The following NAALAD2 variants were observed in gnomAD, a reference collection of about 807,000 sequenced individuals.
The protein encoded by NAALAD2 is N-acetylated-alpha-linked acidic dipeptidase 2.
Under a neutral mutation model 95.6 loss-of-function variants are expected in NAALAD2, and 89 were observed. That is an observed-to-expected ratio of 0.93 (90% confidence interval 0.78 to 1.11). The LOEUF is 1.11. Ranked by LOEUF, NAALAD2 falls within the 50% of genes least tolerant of loss-of-function variation. NAALAD2 has a pLI of 0.00. For synonymous variants in NAALAD2, 264 were observed against 294.4 expected (o/e 0.90, Z 1.06); for missense variants, 894 against 872.4 (o/e 1.02, Z -0.31).
intron 11 of NAALAD2, among the ~76,000 whole-genome samples, chr11:90,166,691 C>T (rs1426208788): frequency 6.6e-6 from 1 of 151,824 alleles, no homozygotes; most frequent in Non-Finnish European, 1.5e-5. Flanking sequence ...AAAAATAAGC[C>T]AGGCGCAGTG....
intron 13 of NAALAD2, among the ~76,000 whole-genome samples, chr11:90,172,807 G>A (rs566730374): frequency 6.6e-6 from 1 of 152,204 alleles, no homozygotes; most frequent in South Asian, 2.1e-4. Flanking sequence ...TGGCACAGAA[G>A]TTAGAATAAC....
At chr11:90,143,435 T>C (rs1330143564) in intron 2 of NAALAD2, among the ~76,000 whole-genome samples, 1 of 152,148 alleles carries the variant, frequency 6.6e-6, no homozygotes, top group African/African-American at 2.4e-5. Flanking sequence ...TGCTATGTCA[T>C]CTGATGAGAA....
chr11:90,150,452 A>C, intron 4 of NAALAD2, 30 bp from the exon 5 acceptor site: 4 of 1,355,994 alleles, frequency 2.9e-6, no homozygotes, highest in Non-Finnish European at 4.0e-6. Flanking sequence ...TAATTTTAGC[A>C]GTATTATATA....
intron 2 of NAALAD2, among the ~76,000 whole-genome samples, chr11:90,140,585 A>G (rs1451840139): frequency 1.3e-5 from 2 of 151,986 alleles, no homozygotes; most frequent in East Asian, 1.9e-4. Flanking sequence ...GTTCAAACCT[A>G]TGTTTCAAGG....
chr11:90,163,931 T>A (rs1005804249), intron 11 of NAALAD2: 5 of 453,100 alleles, frequency 1.1e-5, no homozygotes, highest in Admixed American at 3.9e-5. Context: ...TTTTTGATGA[T>A]AATTTACTTA....
At chr11:90,179,803 T>C (rs962562875) in intron 16 of NAALAD2, among the ~76,000 whole-genome samples, 1 of 152,136 alleles carries the variant, frequency 6.6e-6, no homozygotes, top group Admixed American at 6.6e-5. Flanking sequence ...AGGGCTCTCT[T>C]TAGACAAGGT....
At chr11:90,158,463 T>G (rs1021734484) in intron 7 of NAALAD2, 1 of 423,942 alleles carries the variant, frequency 2.4e-6, no homozygotes, top group African/African-American at 2.1e-5. Context: ...CAAATGAAAT[T>G]CTCAAATACA....
Position 90,134,733 on chromosome 11 carries a change from G to T in NAALAD2, c.-26G>T. On this transcript the variant is annotated 5_prime_UTR_variant, in exon 1 of 19. Transcript: ENST00000534061. ...CCCGAAGCTCGCGAATGTAGCAGGC[G>T]CCCCAAGCTCGGTCCTCAAGAAGCC... 6.2e-7 allele frequency: 1 copy of T among 1,611,120 alleles called. No individual in the cohort carries two copies. Among genetic ancestry groups the T allele is most frequent in the Non-Finnish European group, 8.5e-7 (1 of 1,178,294 alleles).
At chr11:90,184,796 A>G (rs1857079459) in intron 18 of NAALAD2, among the ~76,000 whole-genome samples, 1 of 152,116 alleles carries the variant, frequency 6.6e-6, no homozygotes, top group Non-Finnish European at 1.5e-5. Context: ...ATATATGTAT[A>G]TAGTCAGCCC....
intron 17 of NAALAD2, 24 bp downstream of exon 17, chr11:90,181,725 T>TAA: frequency 7.3e-7 from 1 of 1,365,764 alleles, no homozygotes; most frequent in Non-Finnish European, 1.0e-6. Context: ...CCCTTTTTTT[T>TAA]TAAAAAAAAA....
chr11:90,135,772 G>T, intron 2 of NAALAD2, 102 bp downstream of exon 2: 15 of 803,922 alleles, frequency 1.9e-5, no homozygotes, highest in Admixed American at 1.0e-4. Context: ...TCTTCTCTGT[G>T]TGAAATTACA....
intron 17 of NAALAD2, among the ~76,000 whole-genome samples, chr11:90,182,566 C>T (rs1440138043): frequency 3.9e-5 from 6 of 152,044 alleles, no homozygotes; most frequent in Non-Finnish European, 7.4e-5. Context: ...GCAGTAGAAC[C>T]GAATGACTTA....
chr11:90,166,913 G>A (rs1952470096), intron 11 of NAALAD2, among the ~76,000 whole-genome samples: 2 of 152,214 alleles, frequency 1.3e-5, no homozygotes, highest in South Asian at 4.2e-4. Context: ...ACTTTGGGAG[G>A]CTGAGACAGG....
At chr11:90,152,600 T>A in intron 6 of NAALAD2, 116 bp downstream of exon 6, 1 of 669,930 alleles carries the variant, frequency 1.5e-6, no homozygotes, top group South Asian at 3.3e-5. Context: ...TACACTTATA[T>A]CATTTTGGAT....
In NAALAD2 at chr11:90,181,682, A is replaced by C; in HGVS notation, c.1921A>C (p.Ile641Leu). The change falls in exon 17 of 19, where the codon ATA becomes CTA. Residue 641 changes from isoleucine (I) to leucine (L), a missense_variant. Physicochemically the swap from Ile to Leu is conservative, Grantham distance 5. Coordinates refer to ENST00000534061, the MANE Select transcript of NAALAD2 (RefSeq NM_005467.4). The part of the protein sequence containing the change: ...EAASDFHKRL[I>L]QVDLNNPIAV... Reference sequence around the variant, plus strand: ...TGCTTCAGATTTTCATAAACGACTTATACAAGTTGATCTTAACAAGTAAGT... The same window carrying C: ...TGCTTCAGATTTTCATAAACGACTTCTACAAGTTGATCTTAACAAGTAAGT... 1 of 1,600,928 alleles carries C rather than the reference A, an allele frequency of 6.2e-7. No individual in the cohort carries two copies. Among genetic ancestry groups the C allele is most frequent in the Admixed American group, 1.7e-5 (1 of 58,234 alleles).
chr11:90,177,981 A>T lies in NAALAD2; in HGVS notation c.1722A>T (p.Val574=), dbSNP rs149648317. The T allele has an allele frequency of 9.9e-6, 16 of 1,613,854 alleles. No homozygotes were observed. Among genetic ancestry groups the T allele is most frequent in the Non-Finnish European group, 1.4e-5 (16 of 1,179,972 alleles). Reference sequence around the variant, plus strand: ...TGGCTCAATTACGAGGAGCACTGGTATATGAGCTTGTGGATTCTAAAATCA... The same window carrying T: ...TGGCTCAATTACGAGGAGCACTGGTTTATGAGCTTGTGGATTCTAAAATCA... The part of the protein sequence containing the change: ...LSVAQLRGAL[V]YELVDSKIIP... Residue 574 remains valine (V), a synonymous_variant, in exon 16 of 19, where the codon GTA becomes GTT. Coordinates refer to ENST00000534061, the MANE Select transcript of NAALAD2 (RefSeq NM_005467.4).
rs1414585136 is a variant in NAALAD2 at position 90,178,079 on chromosome 11, A to G, written c.1820A>G (p.Lys607Arg). 4 of 1,612,958 alleles carry G rather than the reference A, an allele frequency of 2.5e-6. No individual in the cohort carries two copies. Among genetic ancestry groups the G allele is most frequent in the South Asian group, 1.1e-5 (1 of 90,796 alleles). The part of the protein sequence containing the change: ...YAASIYNLSK[K>R]HDQQLTDHGV... ...GCAAGTATCTATAATCTATCTAAGA[A>G]ACATGATCAACAATTGACAGACCAT... Residue 607 changes from lysine to arginine, a missense_variant, in exon 16 of 19, where the codon AAA becomes AGA. Transcript: ENST00000534061.
At chr11:90,151,184 C>T (rs1021707263) in intron 5 of NAALAD2, among the ~76,000 whole-genome samples, 1 of 152,068 alleles carries the variant, frequency 6.6e-6, no homozygotes, top group Admixed American at 6.6e-5. Context: ...TTACTGTGAG[C>T]ATGTTACTTA....
At chr11:90,139,518 T>G (rs2187318) in intron 2 of NAALAD2, among the ~76,000 whole-genome samples, 1 of 151,932 alleles carries the variant, frequency 6.6e-6, no homozygotes, top group East Asian at 1.9e-4. Context: ...ATTTTCTTAA[T>G]GTCATCTGAA....
Sources: allele counts gnomAD v4.1 joint callset (sites outside exome capture counted in the v4.1 genomes callset), GRCh38; gene constraint gnomAD v4.1.1; transcripts MANE v1.5; gene names NCBI Gene and HGNC (gene_info 2026-07-23, HGNC 2026-07-21).